The following GALNT17 variants were observed in gnomAD, a reference collection of about 807,000 sequenced individuals.
GALNT17 encodes UDP-GalNAc:polypeptide N-acetylgalactosaminyltransferase-like 3.
A neutral mutation model predicts 63.7 loss-of-function variants in GALNT17; 29 were observed. That is an observed-to-expected ratio of 0.46 (90% CI 0.34 to 0.62). The LOEUF (loss-of-function observed/expected upper bound fraction) is 0.62. Ranked by LOEUF, GALNT17 falls within the 20% of genes least tolerant of loss-of-function variation. GALNT17 has a pLI of 0.01. For missense variants in GALNT17, 603 were observed against 799.6 expected (o/e 0.75, Z 2.97); for synonymous variants, 305 against 318.3 (o/e 0.96, Z 0.45).
At chr7:71,300,634 G>A in intron 1 of GALNT17, 1 of 208,302 alleles carries the variant, frequency 4.8e-6, no homozygotes. Flanking sequence ...AAACACACAT[G>A]GTTATCAACA....
At chr7:71,517,257 G>C (rs1788460041) in intron 5 of GALNT17, among the ~76,000 whole-genome samples, 1 of 152,134 alleles carries the variant, frequency 6.6e-6, no homozygotes, top group Non-Finnish European at 1.5e-5. Flanking sequence ...GTCCTCACAT[G>C]GTGGGAAGAG....
At chr7:71,383,724 A>G (rs1353370651) in intron 2 of GALNT17, among the ~76,000 whole-genome samples, 2 of 152,078 alleles carry the variant, frequency 1.3e-5, no homozygotes, top group Non-Finnish European at 2.9e-5. Context: ...GTGAGTTGCT[A>G]TGCTTGGCTC....
In GALNT17 at chr7:71,464,738, C is replaced by T. The variant is rs182748136; in HGVS notation, c.962+43633C>T. 3.2e-3 allele frequency among the ~76,000 whole-genome samples: 486 copies of T among 152,248 alleles called. 2 individuals carry two copies. Among genetic ancestry groups the T allele is most frequent in the Middle Eastern group, 0.017 (5 of 294 alleles). ...TGGACAGGATCAAGACTCCAAAAAC[C>T]TTGGTGCTCTGGGGCTGAGGAGAGA... On this transcript the variant is annotated intron_variant, in intron 5 of 10. Transcript: ENST00000333538.
rs74597767 is a variant in GALNT17 at position 71,313,836 on chromosome 7, G to A, written c.239-21714G>A. ...TTCCAGAGTAACTATTTCGGTGGTT[G>A]CAGAGCCCCCTCAGAAACCTGGCTT... On this transcript the variant is annotated intron_variant, in intron 1 of 10. Coordinates refer to ENST00000333538, the MANE Select transcript of GALNT17 (RefSeq NM_022479.3). Among the ~76,000 whole-genome samples, 3 of 152,116 alleles carry A rather than the reference G, an allele frequency of 2.0e-5. No homozygotes were observed. The East Asian group carries it at 5.8e-4, about 29-fold the overall frequency.
chr7:71,386,583 G>A (rs1019148805), intron 2 of GALNT17, among the ~76,000 whole-genome samples: 4 of 152,120 alleles, frequency 2.6e-5, no homozygotes, highest in Non-Finnish European at 5.9e-5. Context: ...CGTTCCCCGG[G>A]TACTAAATCA....
intron 1 of GALNT17, among the ~76,000 whole-genome samples, chr7:71,260,975 G>T (rs1790374608): frequency 6.6e-6 from 1 of 152,130 alleles, no homozygotes; most frequent in Non-Finnish European, 1.5e-5. Context: ...AACATATAGA[G>T]ATGACATCCT....
intron 3 of GALNT17, among the ~76,000 whole-genome samples, chr7:71,403,640 C>G (rs1312836549): frequency 6.6e-6 from 1 of 152,146 alleles, no homozygotes; most frequent in Non-Finnish European, 1.5e-5. Flanking sequence ...TTCACACTGC[C>G]TTTGACCTTG....
chr7:71,428,025 G>A (rs949713219), intron 5 of GALNT17, among the ~76,000 whole-genome samples: 1 of 152,176 alleles, frequency 6.6e-6, no homozygotes, highest in African/African-American at 2.4e-5. Flanking sequence ...TGCTGAAAAG[G>A]TTGGGGACTG....
chr7:71,166,828 T>C (rs533795809), intron 1 of GALNT17, among the ~76,000 whole-genome samples: 181 of 152,234 alleles, frequency 1.2e-3, no homozygotes, highest in South Asian at 3.9e-3. Context: ...GCTTTTTTTT[T>C]CCCCTAGGTA....
chr7:71,236,038 G>T lies in GALNT17; in HGVS notation c.239-99512G>T, dbSNP rs577395542. Among the ~76,000 whole-genome samples, 3 of 152,110 alleles carry T rather than the reference G, an allele frequency of 2.0e-5. No homozygotes were observed. The East Asian group carries it at 5.8e-4, about 29-fold the overall frequency. The stretch of plus-strand genomic sequence containing the variant: ...TCTGTTAAAAACACAAAAATTAGCC[G>T]GGCGTGGTGGCAGGCACCTGTAATC... On this transcript the variant is annotated intron_variant, in intron 1 of 10. Transcript: ENST00000333538.
At chr7:71,375,760 C>T (rs945247681) in intron 2 of GALNT17, among the ~76,000 whole-genome samples, 1 of 152,164 alleles carries the variant, frequency 6.6e-6, no homozygotes, top group Non-Finnish European at 1.5e-5. Flanking sequence ...CTGGGCCAGA[C>T]GTGGTGGCTC....
chr7:71,166,412 T>C lies in GALNT17; in HGVS notation c.238+33372T>C, dbSNP rs79012944. On this transcript the variant is annotated intron_variant, in intron 1 of 10. Transcript: ENST00000333538. ...GTACAATTTGATAAGCTTTGACATA[T>C]GCATGCACCAGTGAAATCATCCGCA... Among the ~76,000 whole-genome samples the C allele has an allele frequency of 7.6e-3, 1,163 of 152,304 alleles. 8 individuals carry two copies. The highest frequency in any genetic ancestry group is 0.026 in the African/African-American group (1,101 of 41,566).
chr7:71,299,621 A>G (rs1372050877), intron 1 of GALNT17, among the ~76,000 whole-genome samples: 7 of 151,856 alleles, frequency 4.6e-5, no homozygotes, highest in South Asian at 4.2e-4. Flanking sequence ...ATGTATAGAC[A>G]TTGCCACTGT....
chr7:71,348,891 G>A (rs1364794631), intron 2 of GALNT17, among the ~76,000 whole-genome samples: 1 of 152,144 alleles, frequency 6.6e-6, no homozygotes, highest in Non-Finnish European at 1.5e-5. Context: ...CCTCACTCTA[G>A]CAGTGCACTG....
intron 6 of GALNT17, among the ~76,000 whole-genome samples, chr7:71,612,026 G>A (rs1790132902): frequency 6.6e-6 from 1 of 152,152 alleles, no homozygotes; most frequent in South Asian, 2.1e-4. Flanking sequence ...GAAGCAATCG[G>A]CATCATTCAG....
chr7:71,564,128 G>A (rs1207668953), intron 5 of GALNT17, among the ~76,000 whole-genome samples: 4 of 152,048 alleles, frequency 2.6e-5, no homozygotes, highest in African/African-American at 7.2e-5. Flanking sequence ...AAGACTTGGT[G>A]TTTGCAGAAC....
intron 5 of GALNT17, among the ~76,000 whole-genome samples, chr7:71,506,354 C>T (rs1788269172): frequency 6.6e-6 from 1 of 152,070 alleles, no homozygotes; most frequent in Non-Finnish European, 1.5e-5. Flanking sequence ...GCAGCCTCCG[C>T]CTTCTGGGTT....
chr7:71,573,369 C>T (rs574138327), intron 6 of GALNT17, among the ~76,000 whole-genome samples: 1 of 150,116 alleles, frequency 6.7e-6, no homozygotes, highest in East Asian at 2.0e-4. Flanking sequence ...CTTGCTCTGT[C>T]GCCCAGGCTG....
intron 1 of GALNT17, among the ~76,000 whole-genome samples, chr7:71,277,249 A>G (rs1468935793): frequency 6.6e-6 from 1 of 152,182 alleles, no homozygotes; most frequent in East Asian, 1.9e-4. Flanking sequence ...AGAAAACCAA[A>G]TCCTGCATGT....
Sources: allele counts gnomAD v4.1 joint callset (sites outside exome capture counted in the v4.1 genomes callset), GRCh38; gene constraint gnomAD v4.1.1; transcripts MANE v1.5; gene names NCBI Gene and HGNC (gene_info 2026-07-23, HGNC 2026-07-21).